UMAD1: variants seen among roughly 807,000 people sequenced by gnomAD.
The protein encoded by UMAD1 is UBAP1-MVB12-associated (UMA)-domain containing protein 1.
In UMAD1, 8 loss-of-function variants were observed where a neutral mutation model predicts 6.1. The observed-to-expected ratio is 1.30, with a 90% CI of 0.76 to 2.35. The LOEUF (loss-of-function observed/expected upper bound fraction) is 2.35. Ranked by LOEUF, UMAD1 falls within the 30% of genes most tolerant of loss-of-function variation. The pLI is 0.00. For synonymous variants in UMAD1, 56 were observed against 31.4 expected, an observed-to-expected ratio of 1.78 and a Z score of -2.61; for missense variants, 130 against 78.4, an observed-to-expected ratio of 1.66 and a Z score of -2.49.
intron 2 of UMAD1, among the ~76,000 whole-genome samples, chr7:7,697,801 T>C (rs987370138): frequency 2.0e-5 from 3 of 152,192 alleles, no homozygotes; most frequent in Admixed American, 2.0e-4. Flanking sequence ...ACATGGTGCA[T>C]GTACTCTTGG....
At chr7:7,771,956 G>A (rs1051979436) in intron 2 of UMAD1, among the ~76,000 whole-genome samples, 1 of 152,058 alleles carries the variant, frequency 6.6e-6, no homozygotes, top group Admixed American at 6.6e-5. Flanking sequence ...CTCCATGCTT[G>A]TAGGTATATA....
intron 2 of UMAD1, chr7:7,742,392 G>C (rs777152587): frequency 1.4e-5 from 8 of 585,112 alleles, no homozygotes; most frequent in Non-Finnish European, 6.7e-6. Flanking sequence ...CTCCGGAGTC[G>C]CAGTGTCTTG....
At chr7:7,798,396 A>G (rs1162621515) in intron 2 of UMAD1, among the ~76,000 whole-genome samples, 1 of 152,226 alleles carries the variant, frequency 6.6e-6, no homozygotes, top group Non-Finnish European at 1.5e-5. Context: ...TAATTTTTAC[A>G]TCTTGTAAAA....
At chr7:7,812,366 C>T (rs1449174628) in intron 3 of UMAD1, among the ~76,000 whole-genome samples, 1 of 152,190 alleles carries the variant, frequency 6.6e-6, no homozygotes, top group African/African-American at 2.4e-5. Context: ...TTTTGTACCT[C>T]TGCTGGATGA....
intron 3 of UMAD1, among the ~76,000 whole-genome samples, chr7:7,873,341 G>A (rs965844615): frequency 1.3e-5 from 2 of 152,072 alleles, no homozygotes; most frequent in Non-Finnish European, 2.9e-5. Context: ...GCACCCAAAC[G>A]TTGCTTCCCT....
At chr7:7,648,348 A>G (rs1785145515) in intron 1 of UMAD1, among the ~76,000 whole-genome samples, 1 of 151,940 alleles carries the variant, frequency 6.6e-6, no homozygotes, top group Non-Finnish European at 1.5e-5. Flanking sequence ...CCCTTCTGTT[A>G]TTTGTGTTTG....
At chr7:7,857,026 A>G (rs1376831411) in intron 3 of UMAD1, among the ~76,000 whole-genome samples, 3 of 152,214 alleles carry the variant, frequency 2.0e-5, no homozygotes, top group African/African-American at 7.2e-5. Flanking sequence ...TTTTTCAAGC[A>G]ACCACCATAA....
intron 2 of UMAD1, among the ~76,000 whole-genome samples, chr7:7,737,188 T>A (rs35844437): frequency 0.29 from 44,363 of 152,156 alleles, 7,372 homozygotes; most frequent in African/African-American, 0.46. Context: ...ACTAAGTCAG[T>A]CCCTTGGAGC....
intron 3 of UMAD1, among the ~76,000 whole-genome samples, chr7:7,842,423 C>T (rs1783699754): frequency 6.6e-6 from 1 of 151,922 alleles, no homozygotes; most frequent in South Asian, 2.1e-4. Context: ...AGCTTTAAAA[C>T]CTGATTTGGC....
intron 2 of UMAD1, among the ~76,000 whole-genome samples, chr7:7,679,761 C>T (rs750811810): frequency 6.7e-6 from 1 of 148,240 alleles, no homozygotes; most frequent in Non-Finnish European, 1.5e-5. Flanking sequence ...GGCAATAACT[C>T]ACTATGTTAC....
intron 2 of UMAD1, chr7:7,685,731 T>A (rs1212313243): frequency 1.3e-5 from 2 of 152,228 alleles, no homozygotes; most frequent in African/African-American, 2.4e-5. Context: ...TTCCGTACTA[T>A]TCTAAAGCTT....
At chr7:7,698,233 T>C (rs62432581) in intron 2 of UMAD1, among the ~76,000 whole-genome samples, 7,780 of 152,296 alleles carry the variant, frequency 0.051, 250 homozygotes, top group Middle Eastern at 0.12. Flanking sequence ...TTTAGTAAGA[T>C]ATAGACAGGG....
chr7:7,673,290 T>G lies in UMAD1; in HGVS notation c.-63-19T>G. The G allele has an allele frequency of 8.6e-7, 1 of 1,166,440 alleles. No individual in the cohort carries two copies. Among genetic ancestry groups the G allele is most frequent in the Non-Finnish European group, 1.2e-6 (1 of 808,258 alleles). The allele number at this position is 1,166,440 out of a possible 1,614,324, so 72.3% of individuals were successfully genotyped here. On this transcript the variant is annotated intron_variant, in intron 1 of 3. Coordinates refer to ENST00000682710, the MANE Select transcript of UMAD1 (RefSeq NM_001302348.2). Reference sequence around the variant, plus strand: ...ACAGTTGCATCTGAATTTGACATTGTGTAATGTTTCTATTTCAGGTAGCAG... The same window carrying G: ...ACAGTTGCATCTGAATTTGACATTGGGTAATGTTTCTATTTCAGGTAGCAG...
At chr7:7,737,224 G>A (rs573528677) in intron 2 of UMAD1, among the ~76,000 whole-genome samples, 37 of 152,362 alleles carry the variant, frequency 2.4e-4, no homozygotes, top group Middle Eastern at 3.4e-3. Flanking sequence ...CCACTTGCCA[G>A]CTGAAACTTT....
At chr7:7,835,338 G>A (rs1230431813) in intron 3 of UMAD1, among the ~76,000 whole-genome samples, 1 of 147,428 alleles carries the variant, frequency 6.8e-6, no homozygotes, top group Non-Finnish European at 1.5e-5. Context: ...TATTCTAAAA[G>A]CATTTTGCTG....
chr7:7,850,117 G>T (rs962449166), intron 3 of UMAD1, among the ~76,000 whole-genome samples: 1 of 152,040 alleles, frequency 6.6e-6, no homozygotes, highest in Non-Finnish European at 1.5e-5. Flanking sequence ...ATACAATTTT[G>T]TATATAAATC....
At chr7:7,827,122 G>GATATATAT (rs112036833) in intron 3 of UMAD1, among the ~76,000 whole-genome samples, 3 of 140,412 alleles carry the variant, frequency 2.1e-5, no homozygotes, top group Non-Finnish European at 3.1e-5. Flanking sequence ...CACAGTCCAG[G>GATATATAT]ATATATATAT....
chr7:7,753,781 G>T (rs917804341), intron 2 of UMAD1, among the ~76,000 whole-genome samples: 1 of 152,130 alleles, frequency 6.6e-6, no homozygotes, highest in Non-Finnish European at 1.5e-5. Context: ...TTTCCTTTGG[G>T]TATATACCCA....
intron 2 of UMAD1, among the ~76,000 whole-genome samples, chr7:7,730,694 C>A (rs898291441): frequency 5.3e-5 from 8 of 152,120 alleles, no homozygotes; most frequent in Non-Finnish European, 1.2e-4. Flanking sequence ...ATGCATTTCT[C>A]TTAAAAACAA....
Sources: allele counts gnomAD v4.1 joint callset (sites outside exome capture counted in the v4.1 genomes callset), GRCh38; gene constraint gnomAD v4.1.1; transcripts MANE v1.5; gene names NCBI Gene and HGNC (gene_info 2026-07-23, HGNC 2026-07-21).